The following SH3BP2 variants were observed in gnomAD, a reference collection of about 807,000 sequenced individuals.
SH3BP2 encodes SH3 domain binding protein 2.
In SH3BP2, 38 loss-of-function variants were observed where a neutral mutation model predicts 56.2. That is an observed-to-expected ratio of 0.68 (90% CI 0.52 to 0.89). SH3BP2 has a LOEUF of 0.89. Among genes scored for constraint, SH3BP2 ranks in the 40% least tolerant of loss-of-function variants. The probability of loss-of-function intolerance (pLI) is 0.00; values close to 1 mark genes in which losing one functional copy is unlikely to be tolerated. For missense variants in SH3BP2, 748 were observed against 762.6 expected (o/e 0.98, Z 0.23); for synonymous variants, 346 against 316.7 (o/e 1.09, Z -0.98).
chr4:2,794,693 G>C (rs1723005268), intron 1 of SH3BP2, among the ~76,000 whole-genome samples: 1 of 152,258 alleles, frequency 6.6e-6, no homozygotes, highest in African/African-American at 2.4e-5. Flanking sequence ...GAGTCCCCAG[G>C]CCTCCAGGAT....
chr4:2,795,264 A>G (rs945252667), intron 1 of SH3BP2, among the ~76,000 whole-genome samples: 2 of 152,202 alleles, frequency 1.3e-5, no homozygotes, highest in Non-Finnish European at 2.9e-5. Flanking sequence ...GTTCCTGCCC[A>G]CATTGGACTA....
rs74482457 is a variant in SH3BP2, at chr4:2,819,956, C to T, written c.-4-658C>T. Among the ~76,000 whole-genome samples the T allele has an allele frequency of 4.6e-4, 70 of 152,236 alleles. No homozygotes were observed. The East Asian group carries it at 8.7e-3, about 19-fold the overall frequency. ...GGTCCTCCACTGACTGTGTGGTCCTCGCTTGGGCTCAGAGGGAAGGGGAGT... is the reference window on the plus strand; with the variant it reads ...GGTCCTCCACTGACTGTGTGGTCCTTGCTTGGGCTCAGAGGGAAGGGGAGT... On this transcript the variant is annotated intron_variant, in intron 1 of 12. Coordinates refer to ENST00000503393, the MANE Select transcript of SH3BP2 (RefSeq NM_001122681.2).
chr4:2,832,481 A>G, intron 11 of SH3BP2, 69 bp downstream of exon 11: 1 of 1,173,200 alleles, frequency 8.5e-7, no homozygotes, highest in South Asian at 1.2e-5. Flanking sequence ...GGGTGGGCCC[A>G]GGACTCCACA....
chr4:2,830,939 T>C (rs961992084), intron 8 of SH3BP2, among the ~76,000 whole-genome samples: 3 of 152,236 alleles, frequency 2.0e-5, no homozygotes, highest in African/African-American at 7.2e-5. Flanking sequence ...GAAGTGCCTC[T>C]GAGCAGCCCT....
Position 2,829,657 on chromosome 4 carries a change from G to A in SH3BP2, c.751G>A (p.Ala251Thr). The change falls in exon 8 of 13, where the codon GCT becomes ACT. Residue 251 changes from alanine (A) to threonine (T), a missense_variant. Coordinates refer to ENST00000503393, the MANE Select transcript of SH3BP2 (RefSeq NM_001122681.2). This position sits in a 1 kb window ranked among gnomAD's most constrained non-coding sequence, Gnocchi z 4.9. ...CGGCCTCCCAGATGTTGGCCTGGCTGCTGAGGACTCCAAGAGGGACCCACT... is the reference window on the plus strand; with the variant it reads ...CGGCCTCCCAGATGTTGGCCTGGCTACTGAGGACTCCAAGAGGGACCCACT... Reference protein sequence around the residue: ...KHGLPDVGLAAEDSKRDPLCP... With the variant: ...KHGLPDVGLATEDSKRDPLCP... The A allele has an allele frequency of 1.2e-6, 2 of 1,612,974 alleles. No homozygotes were observed. Among genetic ancestry groups the A allele is most frequent in the Non-Finnish European group, 1.7e-6 (2 of 1,179,848 alleles).
chr4:2,822,812 T>C (rs1400751555), intron 2 of SH3BP2, 123 bp from the exon 3 acceptor site: 1 of 758,116 alleles, frequency 1.3e-6, no homozygotes, highest in African/African-American at 1.7e-5. Context: ...CTCCCTGCTC[T>C]TCCATTTGGT....
intron 1 of SH3BP2, among the ~76,000 whole-genome samples, chr4:2,795,683 G>T (rs886847514): frequency 6.6e-6 from 1 of 152,178 alleles, no homozygotes; most frequent in East Asian, 1.9e-4. Context: ...GATCTGAGCC[G>T]GGCGGGCAGC....
chr4:2,820,738 C>G lies in SH3BP2; in HGVS notation c.121C>G (p.Leu41Val). Reference sequence around the variant, plus strand: ...CCTGCACAAGAAGGGCGGTACCCAGCTGCAGCTGCTGAAATGTGAGTCCCT... The same window carrying G: ...CCTGCACAAGAAGGGCGGTACCCAGGTGCAGCTGCTGAAATGTGAGTCCCT... ...GYLHKKGGTQ[L>V]QLLKWPLRFV... The change falls in exon 2 of 13, where the codon CTG becomes GTG. Residue 41 changes from leucine to valine, a missense_variant. This residue lies in a region of SH3BP2 where 104 missense variants were observed against 123.1 expected (regional missense o/e 0.84). Transcript: ENST00000503393. 4 of 1,613,810 alleles carry G rather than the reference C, an allele frequency of 2.5e-6. No homozygotes were observed. The highest frequency in any genetic ancestry group is 3.4e-6 in the Non-Finnish European group (4 of 1,179,762).
At chr4:2,833,498 A>C (rs1170543493) in intron 12 of SH3BP2, 199 bp from the exon 13 acceptor site, 1 of 670,314 alleles carries the variant, frequency 1.5e-6, no homozygotes, top group African/African-American at 1.8e-5. Flanking sequence ...GACATGGAGG[A>C]CGGAGGGGAA....
chr4:2,801,100 C>T (rs530238403), intron 1 of SH3BP2, among the ~76,000 whole-genome samples: 1 of 152,082 alleles, frequency 6.6e-6, no homozygotes, highest in South Asian at 2.1e-4. Flanking sequence ...TCCACCCCTG[C>T]CTGTCTTGAC....
At chr4:2,828,207 C>G (rs950566759) in intron 7 of SH3BP2, among the ~76,000 whole-genome samples, 1 of 148,424 alleles carries the variant, frequency 6.7e-6, no homozygotes, top group Non-Finnish European at 1.5e-5. Flanking sequence ...TCCCTCCCTT[C>G]CTCCCTCCCT....
At position 2,802,402 on chromosome 4, in the gene SH3BP2, ATATGTGTGTGTGTG is replaced by A. The variant is rs1323996754; in HGVS notation, c.-5+9266_-5+9279del. ...AAGTGAGACTCTGTCTCAAAAAAAT[ATATGTGTGTGTGTG>A]TGTGTGTGTGTGTGTGTGTGTGTGT... On this transcript the variant is annotated intron_variant, in intron 1 of 12. Transcript: ENST00000503393. Among the ~76,000 whole-genome samples, 447 of 100,484 alleles carry A rather than the reference ATATGTGTGTGTGTG, an allele frequency of 4.4e-3. 1 individual carries two copies. The highest frequency in any genetic ancestry group is 0.013 in the African/African-American group (391 of 31,114). 65.9% of individuals were successfully genotyped at this position (100,484 alleles called of 152,430 possible).
At chr4:2,809,923 G>C (rs926635139) in intron 1 of SH3BP2, 1 of 582,112 alleles carries the variant, frequency 1.7e-6, no homozygotes, top group Non-Finnish European at 2.2e-6. Context: ...AACTTGGGAA[G>C]GATGGAGAGG....
At chr4:2,832,928 T>C (rs1725073864) in intron 11 of SH3BP2, 62 bp from the exon 12 acceptor site, 7 of 1,522,010 alleles carry the variant, frequency 4.6e-6, no homozygotes, top group Non-Finnish European at 6.4e-6. Context: ...CAGCCCATGG[T>C]CTCCCGAGGC....
At position 2,829,689 on chromosome 4, in the gene SH3BP2, G is replaced by A. The variant is rs139050609; in HGVS notation, c.783G>A (p.Pro261=). ...ACTCCAAGAGGGACCCACTGTGCCCGAGGCGGGCTGAGCCTTGCCCCAGGG... is the reference window on the plus strand; with the variant it reads ...ACTCCAAGAGGGACCCACTGTGCCCAAGGCGGGCTGAGCCTTGCCCCAGGG... ...AEDSKRDPLC[P]RRAEPCPRVP... The change falls in exon 8 of 13, where the codon CCG becomes CCA. Residue 261 remains proline, a synonymous_variant. Transcript: ENST00000503393. This position sits in a 1 kb window ranked among gnomAD's most constrained non-coding sequence, Gnocchi z 4.9. 12 of 1,612,566 alleles carry A rather than the reference G, an allele frequency of 7.4e-6. No homozygotes were observed. The highest frequency in any genetic ancestry group is 3.3e-5 in the South Asian group (3 of 91,074).
intron 12 of SH3BP2, chr4:2,833,396 C>A (rs1390253354): frequency 5.2e-6 from 3 of 575,710 alleles, no homozygotes; most frequent in African/African-American, 3.7e-5. Flanking sequence ...ACCTCGGCCT[C>A]CCACAGTGCT....
intron 5 of SH3BP2, chr4:2,826,626 G>A (rs1724659586): frequency 1.5e-5 from 5 of 334,286 alleles, no homozygotes; most frequent in African/African-American, 2.3e-5. Context: ...GTGCATGTCT[G>A]CGTGTTGCTC....
chr4:2,805,123 G>T (rs1723477719), intron 1 of SH3BP2, among the ~76,000 whole-genome samples: 1 of 152,200 alleles, frequency 6.6e-6, no homozygotes. Flanking sequence ...TCCCAGGAGG[G>T]TCTGGTTGGC....
rs567376219 is a variant in SH3BP2, at chr4:2,794,834, C to T, written c.-5+1696C>T. On this transcript the variant is annotated intron_variant, in intron 1 of 12. Coordinates refer to ENST00000503393, the MANE Select transcript of SH3BP2 (RefSeq NM_001122681.2). Reference sequence around the variant, plus strand: ...GTGCTGAGTCAGCTGGAGCTCCCCACCCCCCAGGGATGCACGCACACAAGC... The same window carrying T: ...GTGCTGAGTCAGCTGGAGCTCCCCATCCCCCAGGGATGCACGCACACAAGC... Among the ~76,000 whole-genome samples the T allele has an allele frequency of 2.6e-5, 4 of 152,286 alleles. No individual in the cohort carries two copies. The East Asian group carries it at 7.7e-4, about 29-fold the overall frequency.
Sources: gnomAD v4.1 joint callset for allele counts (sites outside exome capture counted in the v4.1 genomes callset) on GRCh38, gnomAD v4.1.1 for gene constraint, gnomAD v4.1.1 regional missense constraint, Gnocchi (gnomAD v3.1) non-coding constraint, MANE v1.5 for transcripts, NCBI Gene and HGNC (gene_info 2026-07-23, HGNC 2026-07-21) for gene names.